Variants in E2F3 observed in about 807,000 individuals in gnomAD.
E2F3 encodes transcription factor E2F3.
Under a neutral mutation model 44.4 loss-of-function variants are expected in E2F3, and 11 were observed. That is an observed-to-expected ratio of 0.25 (90% CI 0.16 to 0.41). E2F3 has a LOEUF of 0.41. Ranked by LOEUF, E2F3 falls within the 10% of genes least tolerant of loss-of-function variation. The pLI is 1.00. For synonymous variants in E2F3, 249 were observed against 253.0 expected (o/e 0.98, Z 0.15); for missense variants, 487 against 583.6 (o/e 0.83, Z 1.70).
In E2F3 at chr6:20,485,146, C is replaced by T. The variant is rs4134952; in HGVS notation, c.885-1543C>T. Among the ~76,000 whole-genome samples, 427 of 152,064 alleles carry T rather than the reference C, an allele frequency of 2.8e-3. 3 individuals are homozygous for T. The highest frequency in any genetic ancestry group is 9.9e-3 in the African/African-American group (412 of 41,468). The stretch of plus-strand genomic sequence containing the variant: ...TTATCCTAGGAATTTTTTGTGGGTA[C>T]ATATAAAAAATAATAACGGGCTAAA... On this transcript the variant is annotated intron_variant, in intron 4 of 6. Transcript: ENST00000346618.
chr6:20,436,658 T>C (rs184418838), intron 1 of E2F3, among the ~76,000 whole-genome samples: 2 of 152,288 alleles, frequency 1.3e-5, no homozygotes, highest in Non-Finnish European at 1.5e-5. Context: ...TAGCAGTCCT[T>C]TTCCCCTCCT....
chr6:20,403,488 G>T (rs1759380671), intron 1 of E2F3, among the ~76,000 whole-genome samples: 1 of 151,980 alleles, frequency 6.6e-6, no homozygotes, highest in Admixed American at 6.5e-5. Context: ...CCGTCCCGCC[G>T]CCTGGGTCTG....
chr6:20,431,758 A>G (rs1760408638), intron 1 of E2F3, among the ~76,000 whole-genome samples: 1 of 152,186 alleles, frequency 6.6e-6, no homozygotes. Context: ...TCCTTGTCTC[A>G]GCCTCTGTTT....
intron 1 of E2F3, among the ~76,000 whole-genome samples, chr6:20,409,820 C>G (rs1023856140): frequency 1.3e-5 from 2 of 152,208 alleles, no homozygotes; most frequent in Non-Finnish European, 2.9e-5. Context: ...CTGTAGTGCA[C>G]TGACTCGTTA....
intron 3 of E2F3, among the ~76,000 whole-genome samples, chr6:20,482,257 T>C (rs1762248305): frequency 6.6e-6 from 1 of 152,124 alleles, no homozygotes; most frequent in South Asian, 2.1e-4. Context: ...CTGTTTCCTT[T>C]ACTTTCTTTT....
chr6:20,435,603 T>C (rs748050985), intron 1 of E2F3, among the ~76,000 whole-genome samples: 15 of 152,162 alleles, frequency 9.9e-5, no homozygotes, highest in Non-Finnish European at 1.9e-4. Context: ...ATACAAACAT[T>C]AGCTGGGTGT....
At chr6:20,447,199 G>A (rs1234790908) in intron 1 of E2F3, among the ~76,000 whole-genome samples, 1 of 152,198 alleles carries the variant, frequency 6.6e-6, no homozygotes, top group East Asian at 1.9e-4. Flanking sequence ...AGTATGACCA[G>A]CCAGTGCTGG....
rs145831869 is a variant in E2F3, at chr6:20,445,134, A to C, written c.394-34712A>C. On this transcript the variant is annotated intron_variant, in intron 1 of 6. Transcript: ENST00000346618. The stretch of plus-strand genomic sequence containing the variant: ...TCATGGTGAGTTGGTCTTTTTGTGT[A>C]AGAATCCCTAGTGGCAGCAGCGCCT... 117 of 985,418 alleles carry C rather than the reference A, an allele frequency of 1.2e-4. No homozygotes were observed. In the African/African-American group the frequency reaches 1.8e-3, roughly 16 times the overall value. The allele number at this position is 985,418 out of a possible 1,614,324, so 61.0% of individuals were successfully genotyped here. A position where few individuals can be genotyped will look rare whatever the true frequency, so the allele number is the denominator to read the frequency against.
chr6:20,475,430 G>T (rs1188995562), intron 1 of E2F3, among the ~76,000 whole-genome samples: 2 of 152,208 alleles, frequency 1.3e-5, no homozygotes, highest in East Asian at 3.9e-4. Flanking sequence ...TGACCAGTGG[G>T]TGGTTCTTTA....
At chr6:20,427,793 TTGA>T (rs1485445309) in intron 1 of E2F3, among the ~76,000 whole-genome samples, 2 of 152,236 alleles carry the variant, frequency 1.3e-5, no homozygotes, top group African/African-American at 4.8e-5. Flanking sequence ...TAGGAGCTCC[TTGA>T]TGATATTTAC....
chr6:20,411,412 C>A (rs1759668059), intron 1 of E2F3, among the ~76,000 whole-genome samples: 1 of 152,188 alleles, frequency 6.6e-6, no homozygotes, highest in East Asian at 1.9e-4. Context: ...ATCTCCTCAC[C>A]CCTCCTTTTT....
At chr6:20,457,356 T>TC (rs1291269862) in intron 1 of E2F3, among the ~76,000 whole-genome samples, 1 of 146,688 alleles carries the variant, frequency 6.8e-6, no homozygotes, top group Admixed American at 6.8e-5. Context: ...TTCTTTTTTT[T>TC]TTTTTTTTTT....
At chr6:20,487,764 T>G (rs1762436687) in intron 5 of E2F3, among the ~76,000 whole-genome samples, 2 of 152,198 alleles carry the variant, frequency 1.3e-5, no homozygotes, top group Non-Finnish European at 2.9e-5. Flanking sequence ...ATAGTAAATA[T>G]TTTTGGCTTT....
At chr6:20,477,879 A>G (rs1031482372) in intron 1 of E2F3, among the ~76,000 whole-genome samples, 1 of 152,150 alleles carries the variant, frequency 6.6e-6, no homozygotes, top group Non-Finnish European at 1.5e-5. Flanking sequence ...CAGAGGAAGA[A>G]GAAAACCCAC....
In E2F3 at chr6:20,402,000, G is replaced by A. The variant is rs915722348; in HGVS notation, c.-233G>A. On this transcript the variant is annotated 5_prime_UTR_variant, in exon 1 of 7. Transcript: ENST00000346618. ...CCCCCGACGCCTCCATCCCCGCTTGGGGCCCGATATCCGTGCGGCCGGGAC... is the reference window on the plus strand; with the variant it reads ...CCCCCGACGCCTCCATCCCCGCTTGAGGCCCGATATCCGTGCGGCCGGGAC... 5 of 606,410 alleles carry A rather than the reference G, an allele frequency of 8.2e-6. No individual in the cohort carries two copies. The Admixed American group carries it at 1.8e-4, about 21-fold the overall frequency. 37.6% of individuals were successfully genotyped at this position (606,410 alleles called of 1,614,324 possible). A position where few individuals can be genotyped will look rare whatever the true frequency, so the allele number is the denominator to read the frequency against.
At chr6:20,486,095 T>C (rs931002803) in intron 4 of E2F3, among the ~76,000 whole-genome samples, 8 of 152,232 alleles carry the variant, frequency 5.3e-5, no homozygotes, top group African/African-American at 1.9e-4. Context: ...ACTTAGTTTT[T>C]TATTTTCTTA....
intron 1 of E2F3, among the ~76,000 whole-genome samples, chr6:20,459,516 G>A (rs1367096792): frequency 2.6e-5 from 4 of 151,988 alleles, no homozygotes; most frequent in Admixed American, 6.6e-5. Context: ...TGATGTCACC[G>A]TTTACATTGA....
Position 20,449,852 on chromosome 6 carries a change from A to G in E2F3, c.394-29994A>G, listed in dbSNP as rs568590276. Among the ~76,000 whole-genome samples, 10 of 152,212 alleles carry G rather than the reference A, an allele frequency of 6.6e-5. No individual in the cohort carries two copies. In the South Asian group the frequency reaches 2.1e-3, roughly 32 times the overall value. ...TGTTCTTATAATTTAGCTCCCACTT[A>G]TAAGTGAGAACATGCAGTATATGGT... On this transcript the variant is annotated intron_variant, in intron 1 of 6. Transcript: ENST00000346618.
At chr6:20,437,678 C>T (rs1760636967) in intron 1 of E2F3, 1 of 152,028 alleles carries the variant, frequency 6.6e-6, no homozygotes, top group Non-Finnish European at 1.5e-5. Context: ...TTTGTAATAT[C>T]CAGAGGATGA....
Sources: allele counts gnomAD v4.1 joint callset (sites outside exome capture counted in the v4.1 genomes callset), GRCh38; gene constraint gnomAD v4.1.1; transcripts MANE v1.5; gene names NCBI Gene and HGNC (gene_info 2026-07-23, HGNC 2026-07-21).